The following ADPGK variants were observed in gnomAD, a reference collection of about 807,000 sequenced individuals.
ADPGK encodes the protein ADP-dependent glucokinase.
In ADPGK, 26 loss-of-function variants were observed where a neutral mutation model predicts 42.4. The ratio of observed to expected loss-of-function variants is 0.61; its 90% CI spans 0.45 to 0.85. The LOEUF (loss-of-function observed/expected upper bound fraction) is 0.85, where lower values mean the gene tolerates loss of function less well. Ranked by LOEUF, ADPGK falls within the 40% of genes least tolerant of loss-of-function variation. The pLI, the probability that ADPGK is intolerant of heterozygous loss-of-function variation, is 0.00. For missense variants in ADPGK, 571 were observed against 627.0 expected, an observed-to-expected ratio of 0.91 and a Z score of 0.95; for synonymous variants, 267 against 252.6, an observed-to-expected ratio of 1.06 and a Z score of -0.54.
In ADPGK at chr15:72,783,483, CG is replaced by C; in HGVS notation, c.208del (p.Arg70GlyfsTer21). ...AWDALIVRPVRRWRRVAVGVN... is the reference protein window; with the variant it reads ...AWDALIVRPVXRWRRVAVGVN... ...CCCCACTGCCACGCGGCGCCAGCGCCGGACTGGCCGCACGATAAGCGCGTCC... is the reference window on the plus strand; with the variant it reads ...CCCCACTGCCACGCGGCGCCAGCGCCGACTGGCCGCACGATAAGCGCGTCC... On this transcript the variant is annotated frameshift_variant, in exon 1 of 7. Transcript: ENST00000456471. LOFTEE classifies it high-confidence loss of function. The C allele has an allele frequency of 1.4e-6, 2 of 1,412,294 alleles. No homozygotes were observed. The highest frequency in any genetic ancestry group is 3.0e-5 in the African/African-American group (2 of 66,764). 87.5% of individuals were successfully genotyped at this position (1,412,294 alleles called of 1,614,324 possible).
At chr15:72,756,549 G>A in intron 4 of ADPGK, 102 bp from the exon 5 acceptor site, 1 of 1,307,152 alleles carries the variant, frequency 7.7e-7, no homozygotes. Flanking sequence ...TTGGCTCCAA[G>A]CAGGCTGGTT....
intron 1 of ADPGK, among the ~76,000 whole-genome samples, chr15:72,778,325 A>G (rs1436026813): frequency 6.6e-6 from 1 of 152,198 alleles, no homozygotes; most frequent in Non-Finnish European, 1.5e-5. Flanking sequence ...CTGTTTTATA[A>G]TACTTTAACC....
At chr15:72,770,414 G>A (rs1391406096) in intron 3 of ADPGK, among the ~76,000 whole-genome samples, 4 of 152,176 alleles carry the variant, frequency 2.6e-5, no homozygotes, top group Admixed American at 6.5e-5. Flanking sequence ...AGCCATGACC[G>A]TCCTGGGTAT....
At chr15:72,766,779 C>T (rs2066266251) in intron 3 of ADPGK, among the ~76,000 whole-genome samples, 1 of 151,862 alleles carries the variant, frequency 6.6e-6, no homozygotes. Flanking sequence ...AACCCTAATG[C>T]AACCACTAAG....
At chr15:72,758,489 A>G (rs902781984) in intron 4 of ADPGK, 7 of 327,516 alleles carry the variant, frequency 2.1e-5, no homozygotes, top group Non-Finnish European at 3.5e-5. Context: ...CAAGCTGGGA[A>G]TGGATTTCTG....
chr15:72,782,203 T>C (rs2066467440), intron 1 of ADPGK, among the ~76,000 whole-genome samples: 1 of 152,006 alleles, frequency 6.6e-6, no homozygotes, highest in Non-Finnish European at 1.5e-5. Context: ...ACACTAACCA[T>C]GTAGTTGGTG....
chr15:72,769,963 T>C (rs1375116925), intron 3 of ADPGK, among the ~76,000 whole-genome samples: 1 of 152,248 alleles, frequency 6.6e-6, no homozygotes, highest in African/African-American at 2.4e-5. Flanking sequence ...GTGCCTGGTA[T>C]ATGGTAAAAA....
At chr15:72,763,417 C>T (rs2066220708) in intron 3 of ADPGK, among the ~76,000 whole-genome samples, 3 of 151,150 alleles carry the variant, frequency 2.0e-5, no homozygotes, top group Admixed American at 2.0e-4. Context: ...AAACTCCTGA[C>T]CTCAAATGAT....
At chr15:72,768,305 G>C (rs780811473) in intron 3 of ADPGK, among the ~76,000 whole-genome samples, 3 of 152,040 alleles carry the variant, frequency 2.0e-5, no homozygotes, top group Non-Finnish European at 2.9e-5. Flanking sequence ...GGCCTAGAAG[G>C]CTTCACTAGA....
Position 72,752,744 on chromosome 15 carries a change from T to C in ADPGK, c.1091A>G (p.Lys364Arg). 1 of 1,614,176 alleles carries C rather than the reference T, an allele frequency of 6.2e-7. No individual in the cohort carries two copies. ...MVSDILFWIL[K>R]EHGRSKSRAS... ...TCTGCTTTTACTCCTCCCATGTTCT[T>C]TCAAGATCCAGAAGAGGATGTCACT... The change falls in exon 7 of 7, where the codon AAA (lysine) becomes AGA (arginine). Residue 364 changes from lysine to arginine, a missense_variant. Transcript: ENST00000456471.
At chr15:72,770,184 C>T (rs1439884701) in intron 3 of ADPGK, among the ~76,000 whole-genome samples, 2 of 152,232 alleles carry the variant, frequency 1.3e-5, no homozygotes, top group Non-Finnish European at 2.9e-5. Context: ...TGCCCCTGGG[C>T]ACCTTACTTA....
intron 4 of ADPGK, chr15:72,758,115 G>A (rs1404515964): frequency 5.0e-6 from 8 of 1,613,262 alleles, no homozygotes; most frequent in African/African-American, 1.3e-5. Flanking sequence ...TCCATCATGT[G>A]CAATCCAGAA....
At chr15:72,773,099 G>A (rs2066348612) in intron 2 of ADPGK, among the ~76,000 whole-genome samples, 1 of 150,824 alleles carries the variant, frequency 6.6e-6, no homozygotes, top group South Asian at 2.1e-4. Context: ...TAACAATAAC[G>A]ACAGCTGATG....
Position 72,757,201 on chromosome 15 carries a change from C to CT in ADPGK, c.644-755dup, listed in dbSNP as rs34450649. On this transcript the variant is annotated intron_variant, in intron 4 of 6. Transcript: ENST00000456471. ...TTTTGCAATTCCTTTTTCTTTTTTC[C>CT]TTTTTTTTTTTTTTTTTTCTTCTGA... 9.8e-3 allele frequency: 1,207 copies of CT among 123,376 alleles called. 21 individuals are homozygous for CT. The highest frequency in any genetic ancestry group is 0.032 in the African/African-American group (1,085 of 33,488). The allele number at this position is 123,376 out of a possible 1,614,324, so 7.6% of individuals were successfully genotyped here. A position where few individuals can be genotyped will look rare whatever the true frequency, so the allele number is the denominator to read the frequency against.
chr15:72,762,394 A>C (rs2066206584), intron 3 of ADPGK, among the ~76,000 whole-genome samples: 2 of 152,186 alleles, frequency 1.3e-5, no homozygotes, highest in South Asian at 4.1e-4. Context: ...TGCTTTGTAC[A>C]GAGGTACTTT....
intron 4 of ADPGK, chr15:72,758,226 TG>T: frequency 9.0e-7 from 1 of 1,110,508 alleles, no homozygotes; most frequent in South Asian, 1.2e-5. Flanking sequence ...CAGATGCAAA[TG>T]GATCTAATTC....
chr15:72,767,199 C>T (rs914005135), intron 3 of ADPGK, among the ~76,000 whole-genome samples: 1 of 150,846 alleles, frequency 6.6e-6, no homozygotes, highest in African/African-American at 2.5e-5. Flanking sequence ...TTTATTTATC[C>T]CTAGTAATGA....
chr15:72,755,618 G>C lies in ADPGK; in HGVS notation c.877C>G (p.Pro293Ala). 1.2e-6 allele frequency: 2 copies of C among 1,614,078 alleles called. No homozygotes were observed. The highest frequency in any genetic ancestry group is 1.7e-6 in the Non-Finnish European group (2 of 1,179,948). ...ATACTGGCCAGCTCTAGGTGAACTG[G>C]AATACCAGTGGGGATGTCAGAAATG... ...TSISDIPTGIPVHLELASMTN... is the reference protein window; with the variant it reads ...TSISDIPTGIAVHLELASMTN... The change falls in exon 6 of 7, where the codon CCA becomes GCA. Residue 293 changes from proline to alanine, a missense_variant. By Grantham distance (27) the Pro-to-Ala change is conservative. Around this residue, in one of 2 missense-constraint regions of ADPGK, gnomAD observed 434 missense variants for 522.7 expected, o/e 0.83. Transcript: ENST00000456471.
chr15:72,770,427 T>C (rs2066314660), intron 3 of ADPGK, among the ~76,000 whole-genome samples: 1 of 152,158 alleles, frequency 6.6e-6, no homozygotes, highest in African/African-American at 2.4e-5. Flanking sequence ...CTGGGTATTG[T>C]CTTCCCAGAG....
Sources: allele counts gnomAD v4.1 joint callset (sites outside exome capture counted in the v4.1 genomes callset), GRCh38; gene constraint gnomAD v4.1.1; regional missense constraint gnomAD v4.1.1; transcripts MANE v1.5; gene names NCBI Gene and HGNC (gene_info 2026-07-23, HGNC 2026-07-21).